PTPRT: variants seen among roughly 807,000 people sequenced by gnomAD.
The protein encoded by PTPRT is protein tyrosine phosphatase receptor type T.
Under a neutral mutation model 176.8 loss-of-function variants are expected in PTPRT, and 56 were observed. The ratio of observed to expected loss-of-function variants is 0.32; its 90% CI spans 0.26 to 0.40. The LOEUF is 0.40. Among genes scored for constraint, PTPRT ranks in the 10% least tolerant of loss-of-function variants. The probability of loss-of-function intolerance (pLI) is 1.00; values close to 1 mark genes in which losing one functional copy is unlikely to be tolerated. For synonymous variants in PTPRT, 783 were observed against 739.0 expected (o/e 1.06, Z -0.96); for missense variants, 1,540 against 1,908.2 (o/e 0.81, Z 3.60).
intron 1 of PTPRT, among the ~76,000 whole-genome samples, chr20:43,147,674 G>C (rs951548149): frequency 6.6e-6 from 1 of 152,140 alleles, no homozygotes; most frequent in Non-Finnish European, 1.5e-5. Context: ...ACAGAACAGG[G>C]AGCAAAACAG....
At chr20:43,099,542 C>T (rs531668248) in intron 1 of PTPRT, among the ~76,000 whole-genome samples, 9 of 152,194 alleles carry the variant, frequency 5.9e-5, no homozygotes, top group Non-Finnish European at 1.2e-4. Flanking sequence ...TTCCCCCAGA[C>T]AGCCCCACCT....
At chr20:42,642,627 A>G (rs1052524687) in intron 7 of PTPRT, among the ~76,000 whole-genome samples, 3 of 152,160 alleles carry the variant, frequency 2.0e-5, no homozygotes, top group Non-Finnish European at 2.9e-5. Flanking sequence ...CCTGAGATCA[A>G]TGAGGTACCC....
At chr20:42,651,398 TTTTC>T (rs1438855371) in intron 7 of PTPRT, among the ~76,000 whole-genome samples, 1 of 152,208 alleles carries the variant, frequency 6.6e-6, no homozygotes, top group African/African-American at 2.4e-5. Context: ...GTCATGGATA[TTTTC>T]TCAAATGTTT....
chr20:42,123,126 T>C (rs904338477), intron 19 of PTPRT, among the ~76,000 whole-genome samples: 6 of 152,174 alleles, frequency 3.9e-5, no homozygotes, highest in Admixed American at 6.5e-5. Flanking sequence ...CATGTATGAA[T>C]GTTTTTGAGC....
At chr20:42,118,292 G>C in intron 21 of PTPRT, 111 bp downstream of exon 21, 1 of 854,430 alleles carries the variant, frequency 1.2e-6, no homozygotes, top group South Asian at 2.0e-5. Flanking sequence ...GTAGGTTGCC[G>C]TGAGGGTGAA....
At chr20:42,196,414 T>A (rs541529725) in intron 16 of PTPRT, among the ~76,000 whole-genome samples, 9 of 152,338 alleles carry the variant, frequency 5.9e-5, no homozygotes, top group African/African-American at 2.2e-4. Flanking sequence ...TAATGTATAA[T>A]AATCAGGGTA....
chr20:42,188,032 C>T (rs1990849629), intron 16 of PTPRT, among the ~76,000 whole-genome samples: 1 of 152,224 alleles, frequency 6.6e-6, no homozygotes, highest in Admixed American at 6.5e-5. Context: ...GGCCAGGCTC[C>T]TCTGTTGAGC....
chr20:42,919,674 T>C (rs1248700002), intron 1 of PTPRT, among the ~76,000 whole-genome samples: 1 of 152,204 alleles, frequency 6.6e-6, no homozygotes, highest in Non-Finnish European at 1.5e-5. Context: ...ATCATTTGAA[T>C]TAAAGTTACA....
intron 1 of PTPRT, among the ~76,000 whole-genome samples, chr20:43,085,889 C>A (rs140392712): frequency 6.6e-6 from 1 of 152,076 alleles, no homozygotes; most frequent in Non-Finnish European, 1.5e-5. Context: ...AAGTACAGAG[C>A]GCTAAGGATC....
At chr20:42,827,309 C>G (rs1458823256) in intron 2 of PTPRT, among the ~76,000 whole-genome samples, 1 of 152,092 alleles carries the variant, frequency 6.6e-6, no homozygotes, top group Non-Finnish European at 1.5e-5. Context: ...TGACATAAAA[C>G]AATCCTCAGA....
chr20:42,678,267 AT>A, intron 6 of PTPRT, 108 bp from the exon 7 acceptor site: 1 of 1,047,812 alleles, frequency 9.5e-7, no homozygotes, highest in South Asian at 1.9e-5. Context: ...CACAAAAAAA[AT>A]AGTCAGAAAC....
At chr20:42,941,619 T>C (rs1419076339) in intron 1 of PTPRT, among the ~76,000 whole-genome samples, 1 of 152,320 alleles carries the variant, frequency 6.6e-6, no homozygotes, top group East Asian at 1.9e-4. Flanking sequence ...CCACGCTACA[T>C]GTTTGTACCC....
At chr20:42,897,508 G>T (rs59244105) in intron 1 of PTPRT, among the ~76,000 whole-genome samples, 1,537 of 152,270 alleles carry the variant, frequency 0.01, 19 homozygotes, top group African/African-American at 0.035. Flanking sequence ...AAAGCCCAGG[G>T]GTAACAGAAA....
intron 8 of PTPRT, among the ~76,000 whole-genome samples, chr20:42,449,728 A>G (rs1207064546): frequency 1.3e-5 from 2 of 152,226 alleles, no homozygotes; most frequent in Non-Finnish European, 1.5e-5. Context: ...GCCTCTCTAC[A>G]TATAGCCTTG....
intron 2 of PTPRT, among the ~76,000 whole-genome samples, chr20:42,808,814 T>C (rs1347572418): frequency 6.6e-6 from 1 of 152,068 alleles, no homozygotes; most frequent in African/African-American, 2.4e-5. Context: ...AAAAGTCGAG[T>C]CTGTAGTTTT....
the PTPRT span, among the ~76,000 whole-genome samples, chr20:42,038,728 C>A: frequency 6.6e-6 from 1 of 152,232 alleles, no homozygotes; most frequent in Non-Finnish European, 1.5e-5. Flanking sequence ...TGGAGACAAG[C>A]CAGCAGTTAG....
chr20:42,033,016 T>C, the PTPRT span, among the ~76,000 whole-genome samples: 1 of 152,172 alleles, frequency 6.6e-6, no homozygotes, highest in African/African-American at 2.4e-5. Flanking sequence ...GCCAGAAGCA[T>C]CCAACTAGGT....
intron 1 of PTPRT, among the ~76,000 whole-genome samples, chr20:43,051,764 CAA>C: frequency 6.6e-6 from 1 of 151,068 alleles, no homozygotes; most frequent in Non-Finnish European, 1.5e-5. Flanking sequence ...ATATTTTACT[CAA>C]AAATTCAGCA....
At chr20:42,294,661 C>T (rs908299290) in intron 12 of PTPRT, among the ~76,000 whole-genome samples, 9 of 151,222 alleles carry the variant, frequency 6.0e-5, no homozygotes, top group African/African-American at 2.2e-4. Context: ...CAAAACACCA[C>T]AAATGATGAA....
Sources: allele counts gnomAD v4.1 joint callset (sites outside exome capture counted in the v4.1 genomes callset), GRCh38; gene constraint gnomAD v4.1.1; transcripts MANE v1.5; gene names NCBI Gene and HGNC (gene_info 2026-07-23, HGNC 2026-07-21).